The following SYNE1 variants were observed in gnomAD, a reference collection of about 807,000 sequenced individuals.
SYNE1 encodes nesprin-1.
SYNE1 carries 616 observed loss-of-function variants against 1,111.0 expected under a neutral mutation model. The ratio of observed to expected loss-of-function variants is 0.55; its 90% CI spans 0.52 to 0.59. SYNE1 has a LOEUF of 0.59. SYNE1 is among the 20% of genes least tolerant of loss of function. The pLI is 0.00. For missense variants in SYNE1, 10,006 were observed against 10,417.0 expected, an observed-to-expected ratio of 0.96 and a Z score of 1.72; for synonymous variants, 3,855 against 3,825.8, an observed-to-expected ratio of 1.01 and a Z score of -0.28.
chr6:152,490,439 C>T (rs1254208128), intron 11 of SYNE1, among the ~76,000 whole-genome samples: 3 of 152,096 alleles, frequency 2.0e-5, no homozygotes, highest in African/African-American at 4.8e-5. Context: ...CTGCCTTAAC[C>T]GATGACATTC....
intron 127 of SYNE1, among the ~76,000 whole-genome samples, chr6:152,200,062 G>A (rs905794274): frequency 6.6e-5 from 10 of 152,012 alleles, no homozygotes; most frequent in African/African-American, 1.7e-4. Context: ...TTTTCACACC[G>A]ATTTCTACCC....
chr6:152,177,433 C>T (rs1257088367), intron 129 of SYNE1, among the ~76,000 whole-genome samples: 13 of 152,088 alleles, frequency 8.5e-5, no homozygotes, highest in African/African-American at 2.2e-4. Flanking sequence ...GCTCCTGTTA[C>T]GTAATAAATA....
chr6:152,353,314 C>T lies in SYNE1; in HGVS notation c.11202G>A (p.Lys3734=), dbSNP rs761089261. Residue 3734 remains lysine (K), a synonymous_variant, in exon 69 of 146, where the codon AAG becomes AAA. Coordinates refer to ENST00000367255, the MANE Select transcript of SYNE1 (RefSeq NM_182961.4). ...THKNFKNVAT[K]IDKVDTVMMG... is the part of the protein sequence containing the mutation. The stretch of plus-strand genomic sequence containing the variant: ...TCATTACTGTATCTACTTTGTCAAT[C>T]TTGGTAGCCACATTCTTGAAGTTTT... The T allele has an allele frequency of 6.2e-7, 1 of 1,614,186 alleles. No homozygotes were observed. Among genetic ancestry groups the T allele is most frequent in the Admixed American group, 1.7e-5 (1 of 60,022 alleles).
chr6:152,247,370 T>C (rs1032771296), intron 105 of SYNE1, among the ~76,000 whole-genome samples: 1 of 152,208 alleles, frequency 6.6e-6, no homozygotes, highest in Non-Finnish European at 1.5e-5. Context: ...TCAGTTATAT[T>C]GGTCAAAAAT....
At position 152,350,271 on chromosome 6, in the gene SYNE1, T is replaced by G; in HGVS notation, c.11798A>C (p.Glu3933Ala). The G allele has an allele frequency of 6.2e-7, 1 of 1,614,168 alleles. No homozygotes were observed. Among genetic ancestry groups the G allele is most frequent in the East Asian group, 2.2e-5 (1 of 44,870 alleles). The change falls in exon 72 of 146, where the codon GAG (glutamate) becomes GCG (alanine). Residue 3933 changes from glutamate to alanine, a missense_variant. Physicochemically the swap from Glu to Ala is moderately radical, Grantham distance 107. Coordinates refer to ENST00000367255, the MANE Select transcript of SYNE1 (RefSeq NM_182961.4). ...CATCTGCAGCAGCCACTTTTCGACC[T>G]CTTGGAGCTCACTGTTGTAGTCTTC... is the stretch of plus-strand genomic sequence containing the variant. ...DHEDYNSELQ[E>A]VEKWLLQMSG...
Position 152,358,495 on chromosome 6 carries a change from C to G in SYNE1, c.10486G>C (p.Glu3496Gln). The G allele has an allele frequency of 6.2e-7, 1 of 1,614,186 alleles. No homozygotes were observed. The highest frequency in any genetic ancestry group is 8.5e-7 in the Non-Finnish European group (1 of 1,180,022). The change falls in exon 66 of 146, where the codon GAG becomes CAG. Residue 3496 changes from glutamate (E) to glutamine (Q), a missense_variant. By Grantham distance (29) the Glu-to-Gln change is conservative. Around this residue, in one of 7 missense-constraint regions of SYNE1, gnomAD observed 4,955 missense variants for 5,017.2 expected, o/e 0.99. Transcript: ENST00000367255. The stretch of plus-strand genomic sequence containing the variant: ...AATGCCTTTAGGTCTCTCTGATACT[C>G]TTGGTGCAGGCGGACAAGTTTTTCA... The part of the protein sequence containing the change: ...KSEKLVRLHQ[E>Q]YQRDLKAFEV...
chr6:152,350,749 A>G lies in SYNE1; in HGVS notation c.11602T>C (p.Ser3868Pro), dbSNP rs1388651726. ...ACTGACTTTACTGATGGTTCATGGGACAGCACCGTTTGTTGAAGTGACTTG... is the reference window on the plus strand; with the variant it reads ...ACTGACTTTACTGATGGTTCATGGGGCAGCACCGTTTGTTGAAGTGACTTG... ...KYKSLQQTVLSHEPSVKSVRE... is the reference protein window; with the variant it reads ...KYKSLQQTVLPHEPSVKSVRE... The change falls in exon 71 of 146, where the codon TCC (serine) becomes CCC (proline). Residue 3868 changes from serine to proline, a missense_variant. Coordinates refer to ENST00000367255, the MANE Select transcript of SYNE1 (RefSeq NM_182961.4). 6.2e-7 allele frequency: 1 copy of G among 1,612,892 alleles called. No individual in the cohort carries two copies. Among genetic ancestry groups the G allele is most frequent in the Admixed American group, 1.7e-5 (1 of 59,758 alleles).
intron 127 of SYNE1, among the ~76,000 whole-genome samples, chr6:152,194,726 T>C (rs145953667): frequency 3.9e-5 from 6 of 152,268 alleles, no homozygotes; most frequent in Non-Finnish European, 8.8e-5. Flanking sequence ...TCTGACTGCG[T>C]AGCTTACTTC....
chr6:152,228,185 C>T (rs2153498056), intron 115 of SYNE1, among the ~76,000 whole-genome samples: 1 of 152,226 alleles, frequency 6.6e-6, no homozygotes, highest in Admixed American at 6.5e-5. Flanking sequence ...CAAATAGAAC[C>T]TTCCAGTTAG....
intron 137 of SYNE1, chr6:152,145,313 T>A (rs2059281650): frequency 1.5e-6 from 1 of 682,744 alleles, no homozygotes; most frequent in African/African-American, 1.8e-5. Flanking sequence ...TAGTGAAATC[T>A]TATTCTTGGT....
chr6:152,361,162 C>T (rs892218879), intron 64 of SYNE1, among the ~76,000 whole-genome samples: 2 of 152,142 alleles, frequency 1.3e-5, no homozygotes, highest in African/African-American at 4.8e-5. Flanking sequence ...TATGCAAAGA[C>T]ACAGAATTGT....
intron 87 of SYNE1, 72 bp from the exon 88 acceptor site, chr6:152,310,945 C>T (rs2095528132): frequency 2.0e-6 from 3 of 1,488,144 alleles, no homozygotes; most frequent in Admixed American, 1.9e-5. Context: ...TATAGCTTGG[C>T]ATAAAATGCC....
intron 6 of SYNE1, among the ~76,000 whole-genome samples, chr6:152,514,434 C>T (rs1327266675): frequency 1.3e-5 from 2 of 151,986 alleles, no homozygotes; most frequent in African/African-American, 2.4e-5. Flanking sequence ...ACAATGAGAA[C>T]ATATGGACAC....
chr6:152,198,733 G>A (rs2074715459), intron 127 of SYNE1, among the ~76,000 whole-genome samples: 1 of 152,164 alleles, frequency 6.6e-6, no homozygotes, highest in East Asian at 1.9e-4. Context: ...GGAGCAATCA[G>A]AACACATGCT....
chr6:152,377,057 T>A, intron 56 of SYNE1, 145 bp from the exon 57 acceptor site: 1 of 1,116,620 alleles, frequency 9.0e-7, no homozygotes, highest in Non-Finnish European at 1.3e-6. Flanking sequence ...TGAAGCCTGT[T>A]TTCAGGATTC....
intron 127 of SYNE1, among the ~76,000 whole-genome samples, chr6:152,197,062 C>T (rs2074300967): frequency 6.6e-6 from 1 of 152,196 alleles, no homozygotes; most frequent in Non-Finnish European, 1.5e-5. Flanking sequence ...CAATGCAATG[C>T]AGACCAACTG....
intron 11 of SYNE1, among the ~76,000 whole-genome samples, chr6:152,495,760 T>C (rs952217963): frequency 6.6e-6 from 1 of 152,198 alleles, no homozygotes; most frequent in African/African-American, 2.4e-5. Flanking sequence ...GGTCTAACCC[T>C]AGCCAATAGG....
chr6:152,431,812 G>T (rs911764493), intron 34 of SYNE1, among the ~76,000 whole-genome samples: 2 of 152,116 alleles, frequency 1.3e-5, no homozygotes, highest in African/African-American at 4.8e-5. Context: ...TTTTTCATAT[G>T]AATGAATGAA....
At chr6:152,334,384 A>G in intron 76 of SYNE1, 111 bp from the exon 77 acceptor site, 1 of 1,188,630 alleles carries the variant, frequency 8.4e-7, no homozygotes, top group South Asian at 1.4e-5. Flanking sequence ...CTTAATATGA[A>G]AAAAACTGAA....
Sources: gnomAD v4.1 joint callset for allele counts (sites outside exome capture counted in the v4.1 genomes callset) on GRCh38, gnomAD v4.1.1 for gene constraint, gnomAD v4.1.1 regional missense constraint, MANE v1.5 for transcripts, NCBI Gene and HGNC (gene_info 2026-07-23, HGNC 2026-07-21) for gene names.